NHEJ1: variants seen among roughly 807,000 people sequenced by gnomAD.
NHEJ1 encodes non-homologous end joining factor 1.
NHEJ1 carries 22 observed loss-of-function variants against 39.4 expected under a neutral mutation model. The observed-to-expected ratio is 0.56, with a 90% CI of 0.40 to 0.80. The LOEUF (loss-of-function observed/expected upper bound fraction) is 0.80, where lower values mean the gene tolerates loss of function less well. NHEJ1 is among the 30% of genes least tolerant of loss of function. The pLI is 0.00. For synonymous variants in NHEJ1, 154 were observed against 135.6 expected (o/e 1.14, Z -0.94); for missense variants, 329 against 357.1 (o/e 0.92, Z 0.63).
intron 3 of NHEJ1, among the ~76,000 whole-genome samples, chr2:219,153,623 T>C (rs1326162754): frequency 1.5e-5 from 2 of 136,582 alleles, no homozygotes; most frequent in African/African-American, 5.6e-5. Context: ...GAGGATCACT[T>C]GAGCTGAGGA....
chr2:219,155,068 A>C (rs1266130616), intron 3 of NHEJ1, among the ~76,000 whole-genome samples: 2 of 151,122 alleles, frequency 1.3e-5, no homozygotes, highest in Non-Finnish European at 3.0e-5. Flanking sequence ...GAAAGAAGAA[A>C]CTATTAGAGC....
chr2:219,114,998 T>C (rs970463553), intron 5 of NHEJ1, among the ~76,000 whole-genome samples: 3 of 151,864 alleles, frequency 2.0e-5, no homozygotes, highest in African/African-American at 7.3e-5. Flanking sequence ...AAAGAGCCTC[T>C]ATAATTAACA....
intron 5 of NHEJ1, among the ~76,000 whole-genome samples, chr2:219,115,187 G>GAAA (rs1211520979): frequency 4.3e-4 from 48 of 111,896 alleles, no homozygotes; most frequent in Non-Finnish European, 2.4e-4. Flanking sequence ...GAAGAAGAAA[G>GAAA]GGGGCAGGGG....
At chr2:219,158,918 T>A (rs564670924) in intron 1 of NHEJ1, 1 of 176,956 alleles carries the variant, frequency 5.7e-6, no homozygotes, top group East Asian at 1.5e-4. Flanking sequence ...CTAGAGTCAA[T>A]GCATGTGAAT....
In NHEJ1 at chr2:219,070,673, CTTTTCT is replaced by C. The variant is rs913753015; in HGVS notation, c.*5702_*5707del. 7.8e-4 allele frequency among the ~76,000 whole-genome samples: 118 copies of C among 152,120 alleles called. No homozygotes were observed. Among genetic ancestry groups the C allele is most frequent in the African/African-American group, 2.8e-3 (115 of 41,514 alleles). The stretch of plus-strand genomic sequence containing the variant: ...CTTTAGCACAATCCAGACACTCAAT[CTTTTCT>C]TTCTTTTTTTTTTTTAATTCAAAAT... On this transcript the variant is annotated 3_prime_UTR_variant, in exon 8 of 8. Coordinates refer to ENST00000356853, the MANE Select transcript of NHEJ1 (RefSeq NM_024782.3).
intron 5 of NHEJ1, among the ~76,000 whole-genome samples, chr2:219,119,019 T>G (rs995828293): frequency 6.6e-6 from 1 of 152,196 alleles, no homozygotes; most frequent in Non-Finnish European, 1.5e-5. Flanking sequence ...TGCTTCCTTC[T>G]CAGGACCAAC....
At position 219,074,522 on chromosome 2, in the gene NHEJ1, T is replaced by C. The variant is rs1392828309; in HGVS notation, c.*1859A>G. ...ACTTTGGGAGGCCGAGGCAGGTAGATCACCTGAGGTCAGGAGTTCGAGACC... is the reference window on the plus strand; with the variant it reads ...ACTTTGGGAGGCCGAGGCAGGTAGACCACCTGAGGTCAGGAGTTCGAGACC... On this transcript the variant is annotated 3_prime_UTR_variant, in exon 8 of 8. Transcript: ENST00000356853. Among the ~76,000 whole-genome samples the C allele has an allele frequency of 6.6e-6, 1 of 152,078 alleles. No homozygotes were observed. Among genetic ancestry groups the C allele is most frequent in the Non-Finnish European group, 1.5e-5 (1 of 68,012 alleles).
At chr2:219,095,420 T>C (rs1949199137) in intron 5 of NHEJ1, 1 of 458,694 alleles carries the variant, frequency 2.2e-6, no homozygotes, top group African/African-American at 2.0e-5. Context: ...ACCATCAAGT[T>C]CTTAGCATGT....
At chr2:219,135,796 A>C (rs1193281132) in intron 5 of NHEJ1, among the ~76,000 whole-genome samples, 1 of 152,206 alleles carries the variant, frequency 6.6e-6, no homozygotes, top group Non-Finnish European at 1.5e-5. Flanking sequence ...TCGGCTACAT[A>C]GTGAGATCCT....
In NHEJ1 at chr2:219,073,510, G is replaced by A. The variant is rs1018654386; in HGVS notation, c.*2871C>T. ...AGGGATGAGGCTTTCTCTCCAAGCA[G>A]GGAGCATGCCTGTCCTAGCTAACTA... On this transcript the variant is annotated 3_prime_UTR_variant, in exon 8 of 8. Transcript: ENST00000356853. Among the ~76,000 whole-genome samples the A allele has an allele frequency of 2.0e-5, 3 of 152,164 alleles. No individual in the cohort carries two copies. The East Asian group carries it at 5.8e-4, about 29-fold the overall frequency.
chr2:219,099,744 CAGAAAAGACATG>C (rs1214093038), intron 5 of NHEJ1, among the ~76,000 whole-genome samples: 1 of 151,854 alleles, frequency 6.6e-6, no homozygotes, highest in Admixed American at 6.6e-5. Flanking sequence ...GAGAGTGCGG[CAGAAAAGACATG>C]GGAAAAGGCA....
In NHEJ1 at chr2:219,158,253, A is replaced by G; in HGVS notation, c.110T>C (p.Leu37Ser). 1 of 1,614,250 alleles carries G rather than the reference A, an allele frequency of 6.2e-7. No homozygotes were observed. The highest frequency in any genetic ancestry group is 8.5e-7 in the Non-Finnish European group (1 of 1,180,044). Residue 37 changes from leucine to serine, a missense_variant, in exon 2 of 8, where the codon TTG becomes TCG. Transcript: ENST00000356853. ...CCACACCTGTTGAAGATCTGAAACC[A>G]ACAAGGCATAGCCCTGCTTGGTGAT... ...VFITKQGYAL[L>S]VSDLQQVWHE...
At chr2:219,155,016 A>G (rs1363754884) in intron 3 of NHEJ1, among the ~76,000 whole-genome samples, 3 of 149,154 alleles carry the variant, frequency 2.0e-5, no homozygotes, top group Non-Finnish European at 4.5e-5. Flanking sequence ...ATACTATATA[A>G]TTGTAATATC....
chr2:219,149,432 G>A (rs1157816371), intron 3 of NHEJ1, among the ~76,000 whole-genome samples: 3 of 151,868 alleles, frequency 2.0e-5, no homozygotes, highest in Admixed American at 2.0e-4. Context: ...CCTGGGAAAC[G>A]TGATGAAACC....
chr2:219,095,222 G>C (rs1424170892), intron 5 of NHEJ1: 2 of 450,864 alleles, frequency 4.4e-6, no homozygotes, highest in African/African-American at 4.1e-5. Context: ...CGTGGCTTTT[G>C]TAAGATCTGT....
intron 5 of NHEJ1, among the ~76,000 whole-genome samples, chr2:219,099,644 A>G (rs1949238034): frequency 6.6e-6 from 1 of 152,218 alleles, no homozygotes; most frequent in African/African-American, 2.4e-5. Flanking sequence ...AGACATGGTC[A>G]GAAACCAGCA....
At chr2:219,077,415 C>T (rs1949024891) in intron 6 of NHEJ1, 51 bp from the exon 7 acceptor site, 5 of 1,344,642 alleles carry the variant, frequency 3.7e-6, no homozygotes, top group Non-Finnish European at 4.3e-6. Context: ...TTCTTCTTAC[C>T]AGGAAGATAT....
chr2:219,157,987 T>TCACACACA (rs1949871862), intron 2 of NHEJ1, among the ~76,000 whole-genome samples, 199 bp downstream of exon 2: 1 of 68,698 alleles, frequency 1.5e-5, no homozygotes, highest in African/African-American at 4.9e-5. Flanking sequence ...TCTCTCTCTC[T>TCACACACA]CTCTCACACA....
At chr2:219,117,930 C>T (rs1255263484) in intron 5 of NHEJ1, among the ~76,000 whole-genome samples, 1 of 152,210 alleles carries the variant, frequency 6.6e-6, no homozygotes, top group Admixed American at 6.5e-5. Flanking sequence ...TGTTAGACAT[C>T]CTAAAATGGG....
Sources: allele counts gnomAD v4.1 joint callset (sites outside exome capture counted in the v4.1 genomes callset), GRCh38; gene constraint gnomAD v4.1.1; transcripts MANE v1.5; gene names NCBI Gene and HGNC (gene_info 2026-07-23, HGNC 2026-07-21).